Variants in CTNNA2 observed in about 807,000 individuals in gnomAD.
CTNNA2 encodes catenin alpha 2.
In CTNNA2, 42 loss-of-function variants were observed where a neutral mutation model predicts 101.0. The observed-to-expected ratio is 0.42, with a 90% CI of 0.32 to 0.54. The LOEUF (loss-of-function observed/expected upper bound fraction) is 0.54, where lower values mean the gene tolerates loss of function less well. CTNNA2 is among the 20% of genes least tolerant of loss of function. CTNNA2 has a pLI of 0.14. For synonymous variants in CTNNA2, 450 were observed against 456.4 expected (o/e 0.99, Z 0.18); for missense variants, 871 against 1,223.1 (o/e 0.71, Z 4.29).
chr2:79,916,512 A>C (rs1686213210), intron 7 of CTNNA2, among the ~76,000 whole-genome samples: 1 of 92,584 alleles, frequency 1.1e-5, no homozygotes, highest in Non-Finnish European at 2.0e-5. Flanking sequence ...GAGTTTTCTA[A>C]TTCTTCCCCC....
At chr2:79,383,429 T>G (rs1573139431) in intron 4 of CTNNA2, among the ~76,000 whole-genome samples, 3 of 152,218 alleles carry the variant, frequency 2.0e-5, no homozygotes, top group Admixed American at 2.0e-4. Flanking sequence ...AAATAAAACA[T>G]GGGACTGGGG....
chr2:79,419,032 T>G (rs1313229325), intron 4 of CTNNA2, among the ~76,000 whole-genome samples: 1 of 150,620 alleles, frequency 6.6e-6, no homozygotes, highest in Non-Finnish European at 1.5e-5. Context: ...TCACTCCTTT[T>G]GGAGCAGGAA....
chr2:79,779,609 A>G (rs956110128), intron 3 of CTNNA2, among the ~76,000 whole-genome samples: 1 of 152,196 alleles, frequency 6.6e-6, no homozygotes, highest in African/African-American at 2.4e-5. Flanking sequence ...CATACACTGA[A>G]ATGTAAACAG....
At chr2:79,305,311 TATAC>T (rs1676209894) in intron 2 of CTNNA2, among the ~76,000 whole-genome samples, 1 of 148,372 alleles carries the variant, frequency 6.7e-6, no homozygotes, top group Non-Finnish European at 1.5e-5. Context: ...TATACATATA[TATAC>T]ACATATATAT....
At chr2:80,257,734 T>C (rs568840692) in intron 7 of CTNNA2, among the ~76,000 whole-genome samples, 1 of 152,332 alleles carries the variant, frequency 6.6e-6, no homozygotes, top group African/African-American at 2.4e-5. Flanking sequence ...CTGGTATATA[T>C]TGCAACTCTG....
In CTNNA2 at chr2:79,841,315, T is replaced by A. The variant is rs78119570; in HGVS notation, c.299-16698T>A. Among the ~76,000 whole-genome samples the A allele has an allele frequency of 4.3e-3, 661 of 152,324 alleles. 13 individuals carry two copies. The highest frequency in any genetic ancestry group is 0.038 in the East Asian group (196 of 5,164). On this transcript the variant is annotated intron_variant, in intron 3 of 18. Coordinates refer to ENST00000402739, the MANE Select transcript of CTNNA2 (RefSeq NM_001282597.3). ...ACAAAATACAATTATTTGAAGAGCT[T>A]GTCCTGCTAATAACTTTTGTTTACT...
At chr2:79,422,932 G>A (rs1333408125) in intron 4 of CTNNA2, among the ~76,000 whole-genome samples, 2 of 152,114 alleles carry the variant, frequency 1.3e-5, no homozygotes, top group Admixed American at 6.5e-5. Context: ...GCAGTTTGTT[G>A]TATTTTATGC....
rs144812918 is a variant in CTNNA2 at position 80,075,489 on chromosome 2, C to G, written c.1056+165692C>G. On this transcript the variant is annotated intron_variant, in intron 7 of 18. Transcript: ENST00000402739. The stretch of plus-strand genomic sequence containing the variant: ...GGGTTAAATGATGCACTGTGTATAA[C>G]TTGCTTAGGAAAATGCATAGCACAT... 5.5e-3 allele frequency among the ~76,000 whole-genome samples: 828 copies of G among 150,482 alleles called. 7 individuals carry two copies. The highest frequency in any genetic ancestry group is 0.02 in the African/African-American group (804 of 40,994).
At chr2:79,720,387 G>C (rs1686403112) in intron 2 of CTNNA2, among the ~76,000 whole-genome samples, 1 of 151,872 alleles carries the variant, frequency 6.6e-6, no homozygotes, top group African/African-American at 2.4e-5. Flanking sequence ...CTCTTTTTTG[G>C]TTCCATATTA....
chr2:79,561,723 T>A (rs181438068), intron 1 of CTNNA2, among the ~76,000 whole-genome samples: 14 of 152,112 alleles, frequency 9.2e-5, no homozygotes, highest in African/African-American at 2.6e-4. Context: ...ATGTTGAGCA[T>A]CTTTTCATGT....
chr2:79,439,110 C>A lies in CTNNA2; in HGVS notation c.-135+65097C>A, dbSNP rs75470735. On this transcript the variant is annotated intron_variant, in intron 4 of 21. Transcript: ENST00000466387. ...TAAAAATATATGTCCACACAAAAGCCAGTGTACACATGTTCACAGCAGCAT... is the reference window on the plus strand; with the variant it reads ...TAAAAATATATGTCCACACAAAAGCAAGTGTACACATGTTCACAGCAGCAT... 1.5e-3 allele frequency among the ~76,000 whole-genome samples: 236 copies of A among 152,284 alleles called. 1 individual carries two copies. Among genetic ancestry groups the A allele is most frequent in the African/African-American group, 5.4e-3 (226 of 41,552 alleles).
At chr2:79,382,541 G>A (rs1573138986) in intron 4 of CTNNA2, among the ~76,000 whole-genome samples, 1 of 152,178 alleles carries the variant, frequency 6.6e-6, no homozygotes, top group Non-Finnish European at 1.5e-5. Context: ...GGAAGTTACT[G>A]AAGAGCACCT....
In CTNNA2 at chr2:79,795,522, A is replaced by C. The variant is rs187264786; in HGVS notation, c.298+50940A>C. ...TTAATAAATATTACATTTTTAAATCAATTGTATTAAATTAAATTTCATTTA... is the reference window on the plus strand; with the variant it reads ...TTAATAAATATTACATTTTTAAATCCATTGTATTAAATTAAATTTCATTTA... On this transcript the variant is annotated intron_variant, in intron 3 of 18. Transcript: ENST00000402739. 4.4e-3 allele frequency among the ~76,000 whole-genome samples: 670 copies of C among 152,170 alleles called. 9 individuals are homozygous for C. The highest frequency in any genetic ancestry group is 0.015 in the African/African-American group (622 of 41,522).
intron 7 of CTNNA2, among the ~76,000 whole-genome samples, chr2:80,160,843 C>A (rs142428087): frequency 2.0e-5 from 3 of 150,858 alleles, no homozygotes; most frequent in African/African-American, 7.3e-5. Context: ...GGTTTCCAAT[C>A]TTATAGGAAA....
chr2:79,656,168 G>A (rs1681603002), intron 2 of CTNNA2, among the ~76,000 whole-genome samples: 1 of 152,098 alleles, frequency 6.6e-6, no homozygotes, highest in Non-Finnish European at 1.5e-5. Flanking sequence ...ACATGACTGT[G>A]TTATCAATAC....
At chr2:80,283,066 G>A (rs778215992) in intron 7 of CTNNA2, among the ~76,000 whole-genome samples, 2 of 152,060 alleles carry the variant, frequency 1.3e-5, no homozygotes, top group African/African-American at 2.4e-5. Flanking sequence ...GATTGAGGGT[G>A]ACATTTAAAA....
intron 6 of CTNNA2, among the ~76,000 whole-genome samples, chr2:79,877,103 C>G (rs1177543703): frequency 1.3e-5 from 2 of 151,356 alleles, no homozygotes; most frequent in South Asian, 2.1e-4. Context: ...TTTATATTAG[C>G]TAAGTATATT....
At chr2:79,992,345 A>C (rs1177131458) in intron 7 of CTNNA2, among the ~76,000 whole-genome samples, 1 of 152,236 alleles carries the variant, frequency 6.6e-6, no homozygotes, top group East Asian at 1.9e-4. Flanking sequence ...TGAAAATTAG[A>C]CATACTTAAT....
At chr2:79,677,837 T>C (rs1377976364) in intron 2 of CTNNA2, among the ~76,000 whole-genome samples, 1 of 151,950 alleles carries the variant, frequency 6.6e-6, no homozygotes, top group East Asian at 1.9e-4. Context: ...ATTTAAAAGG[T>C]GTGTTGGATG....
Sources: gnomAD v4.1 joint callset for allele counts (sites outside exome capture counted in the v4.1 genomes callset) on GRCh38, gnomAD v4.1.1 for gene constraint, MANE v1.5 for transcripts, NCBI Gene and HGNC (gene_info 2026-07-23, HGNC 2026-07-21) for gene names.